Variants in PGBD5 observed in about 807,000 individuals in gnomAD.
PGBD5 encodes piggyBac transposable element derived 5.
In PGBD5, 14 loss-of-function variants were observed where a neutral mutation model predicts 47.9. The observed-to-expected ratio is 0.29, with a 90% confidence interval of 0.19 to 0.46. The LOEUF is 0.46. Ranked by LOEUF, PGBD5 falls within the 20% of genes least tolerant of loss-of-function variation. The probability of loss-of-function intolerance (pLI) is 1.00; values close to 1 mark genes in which losing one functional copy is unlikely to be tolerated. For missense variants in PGBD5, 635 were observed against 716.0 expected, an observed-to-expected ratio of 0.89 and a Z score of 1.29; for synonymous variants, 316 against 306.3, an observed-to-expected ratio of 1.03 and a Z score of -0.33.
intron 1 of PGBD5, among the ~76,000 whole-genome samples, chr1:230,411,191 G>A (rs566301111): frequency 6.6e-6 from 1 of 152,336 alleles, no homozygotes; most frequent in Non-Finnish European, 1.5e-5. Flanking sequence ...GCTGGGGTGG[G>A]AGGATTGCTT....
chr1:230,321,051 A>C lies in PGBD5; in HGVS notation c.*2374T>G, dbSNP rs1333842110. On this transcript the variant is annotated 3_prime_UTR_variant, in exon 7 of 7. Transcript: ENST00000391860. ...GCCACCCACTGCCTGTCAGAACAGC[A>C]CCTCTTCCTGCTCATCTGGAATGAC... The C allele has an allele frequency of 1.3e-5, 2 of 152,170 alleles. No homozygotes were observed. Among genetic ancestry groups the C allele is most frequent in the African/African-American group, 4.8e-5 (2 of 41,430 alleles). The allele number at this position is 152,170 out of a possible 1,614,324, so 9.4% of individuals were successfully genotyped here.
At chr1:230,334,306 G>A (rs1040638669) in intron 4 of PGBD5, among the ~76,000 whole-genome samples, 2 of 152,138 alleles carry the variant, frequency 1.3e-5, no homozygotes, top group African/African-American at 4.8e-5. Context: ...GTAAAAAGGA[G>A]AATCTGTTCT....
chr1:230,405,013 T>C (rs977978037), intron 1 of PGBD5, among the ~76,000 whole-genome samples: 63 of 126,942 alleles, frequency 5.0e-4, no homozygotes, highest in African/African-American at 1.7e-3. Flanking sequence ...TATGAAGAGG[T>C]GAAACCCCGT....
intron 1 of PGBD5, among the ~76,000 whole-genome samples, chr1:230,391,754 C>A (rs1656790310): frequency 6.6e-6 from 1 of 152,222 alleles, no homozygotes; most frequent in Admixed American, 6.5e-5. Context: ...TAAACCTCTT[C>A]CTCACCATTT....
rs1408440260 is a variant in PGBD5, at chr1:230,366,019, T to C, written c.332-8698A>G. ...GCAGGGCGAATCCTGTAATGTCAAA[T>C]GTCAGTCAAATGAATGAACTCCTGC... On this transcript the variant is annotated intron_variant, in intron 1 of 6. Transcript: ENST00000391860. Among the ~76,000 whole-genome samples, 4 of 152,222 alleles carry C rather than the reference T, an allele frequency of 2.6e-5. No individual in the cohort carries two copies. The East Asian group carries it at 7.7e-4, about 29-fold the overall frequency.
chr1:230,343,233 C>T (rs1667433217), intron 3 of PGBD5, among the ~76,000 whole-genome samples: 1 of 152,226 alleles, frequency 6.6e-6, no homozygotes, highest in Non-Finnish European at 1.5e-5. Context: ...GCCTTCATCT[C>T]ATCCCAAAGC....
intron 3 of PGBD5, among the ~76,000 whole-genome samples, chr1:230,349,096 C>T (rs1179946381): frequency 4.6e-5 from 7 of 152,190 alleles, no homozygotes; most frequent in African/African-American, 7.2e-5. Context: ...AATTTGGGAA[C>T]GAATCTGAAC....
chr1:230,351,045 C>T lies in PGBD5; in HGVS notation c.807G>A (p.Thr269=), dbSNP rs76234678. The T allele has an allele frequency of 1.7e-5, 28 of 1,613,824 alleles. No homozygotes were observed. The highest frequency in any genetic ancestry group is 5.0e-5 in the Admixed American group (3 of 59,964). ...LIDEDPVFIA[T]CTERELRKRK... ...TCTTTCGCAGCTCCCGCTCTGTGCA[C>T]GTGGCAATGAATACAGGATCCTCAT... is the stretch of plus-strand genomic sequence containing the variant. Residue 269 remains threonine (T), a synonymous_variant, in exon 3 of 7, where the codon ACG becomes ACA. Coordinates refer to ENST00000391860, the MANE Select transcript of PGBD5 (RefSeq NM_001258311.2).
rs1327075338 is a variant in PGBD5, at chr1:230,377,650, C to T, written c.332-20329G>A. The T allele has an allele frequency of 2.0e-6, 3 of 1,475,722 alleles. No individual in the cohort carries two copies. In the East Asian group the frequency reaches 7.5e-5, roughly 37 times the overall value. The allele number at this position is 1,475,722 out of a possible 1,614,324, so 91.4% of individuals were successfully genotyped here. A position where few individuals can be genotyped will look rare whatever the true frequency, so the allele number is the denominator to read the frequency against. ...TGACCTACCGAACAGGTGCCCTGGTCAAGGTACATAATCCCACACAGCCTT... is the reference window on the plus strand; with the variant it reads ...TGACCTACCGAACAGGTGCCCTGGTTAAGGTACATAATCCCACACAGCCTT... On this transcript the variant is annotated intron_variant, in intron 1 of 6. Transcript: ENST00000391860.
Position 230,318,645 on chromosome 1 carries a change from C to T in PGBD5, c.*4780G>A, listed in dbSNP as rs1666984911. 6.6e-6 allele frequency: 1 copy of T among 152,406 alleles called. No individual in the cohort carries two copies. Among genetic ancestry groups the T allele is most frequent in the South Asian group, 2.1e-4 (1 of 4,830 alleles). The allele number at this position is 152,406 out of a possible 1,614,324, so 9.4% of individuals were successfully genotyped here. A position where few individuals can be genotyped will look rare whatever the true frequency, so the allele number is the denominator to read the frequency against. On this transcript the variant is annotated 3_prime_UTR_variant, in exon 7 of 7. Coordinates refer to ENST00000391860, the MANE Select transcript of PGBD5 (RefSeq NM_001258311.2). ...CTCGCTTAAGGAAGAGGGACCAGAA[C>T]CACAAAGCTGGCATGTGGGTGAAGA...
intron 1 of PGBD5, among the ~76,000 whole-genome samples, chr1:230,391,167 G>A (rs1000113451): frequency 2.9e-4 from 38 of 133,052 alleles, no homozygotes; most frequent in Non-Finnish European, 5.1e-4. Flanking sequence ...GGGGTGGGGC[G>A]GGAGGGAGCT....
At chr1:230,395,215 C>T (rs1225972134) in intron 1 of PGBD5, among the ~76,000 whole-genome samples, 2 of 60,652 alleles carry the variant, frequency 3.3e-5, no homozygotes, top group Non-Finnish European at 6.6e-5. Flanking sequence ...CTCCCTCCCT[C>T]CTCCCCATCC....
chr1:230,406,039 T>A (rs1289988376), intron 1 of PGBD5, among the ~76,000 whole-genome samples: 1 of 152,218 alleles, frequency 6.6e-6, no homozygotes, highest in East Asian at 1.9e-4. Flanking sequence ...CTGGGCACAG[T>A]GGCTCACGCC....
At chr1:230,401,795 C>T (rs935117052) in intron 1 of PGBD5, among the ~76,000 whole-genome samples, 3 of 152,146 alleles carry the variant, frequency 2.0e-5, no homozygotes, top group African/African-American at 2.4e-5. Flanking sequence ...GGCTTGGAGG[C>T]GCCCTGGCAA....
At chr1:230,347,131 G>A (rs1230455813) in intron 3 of PGBD5, among the ~76,000 whole-genome samples, 5 of 152,178 alleles carry the variant, frequency 3.3e-5, no homozygotes, top group African/African-American at 1.2e-4. Context: ...CTCCCAGGTG[G>A]TCAACAGCAG....
chr1:230,419,714 A>G (rs1657605562), intron 1 of PGBD5, among the ~76,000 whole-genome samples: 1 of 152,236 alleles, frequency 6.6e-6, no homozygotes, highest in Admixed American at 6.5e-5. Context: ...ATAAAAAGGT[A>G]CATTTCTGGA....
intron 1 of PGBD5, chr1:230,377,375 T>A: frequency 1.8e-6 from 2 of 1,107,716 alleles, no homozygotes; most frequent in Non-Finnish European, 2.6e-6. Context: ...AATGCTGACA[T>A]CAACACGTGA....
rs969756198 is a variant in PGBD5, at chr1:230,315,429, C to G, written c.*7996G>C. ...AAGTCTGGCTGTATCCCGAGGGCGA[C>G]CAGGACAGCCCTGTGAGCAGCAGTT... On this transcript the variant is annotated 3_prime_UTR_variant, in exon 7 of 7. Transcript: ENST00000391860. 1.4e-5 allele frequency: 2 copies of G among 138,804 alleles called. No individual in the cohort carries two copies. Among genetic ancestry groups the G allele is most frequent in the African/African-American group, 6.5e-5 (2 of 30,590 alleles). The allele number at this position is 138,804 out of a possible 1,614,324, so 8.6% of individuals were successfully genotyped here. A position where few individuals can be genotyped will look rare whatever the true frequency, so the allele number is the denominator to read the frequency against.
Position 230,351,092 on chromosome 1 carries a change from C to T in PGBD5, c.760G>A (p.Val254Met). The change falls in exon 3 of 7, where the codon GTG becomes ATG. Residue 254 changes from valine (V) to methionine (M), a missense_variant and splice_region_variant. Coordinates refer to ENST00000391860, the MANE Select transcript of PGBD5 (RefSeq NM_001258311.2). ...TCATCGATCAGGGGTTCATGTAGCA[C>T]CTGCCAGGAGGGAAAAAGCAGAGGC... ...DSAFRPSQTQ[V>M]LHEPLIDEDP... 6.2e-7 allele frequency: 1 copy of T among 1,611,392 alleles called. No individual in the cohort carries two copies. Among genetic ancestry groups the T allele is most frequent in the Non-Finnish European group, 8.5e-7 (1 of 1,178,810 alleles).
Sources: gnomAD v4.1 joint callset for allele counts (sites outside exome capture counted in the v4.1 genomes callset) on GRCh38, gnomAD v4.1.1 for gene constraint, MANE v1.5 for transcripts, NCBI Gene and HGNC (gene_info 2026-07-23, HGNC 2026-07-21) for gene names.